The following PDZRN4 variants were observed in gnomAD, a reference collection of about 807,000 sequenced individuals.
PDZRN4 encodes PDZ domain containing ring finger 4.
Under a neutral mutation model 99.0 loss-of-function variants are expected in PDZRN4, and 70 were observed. The ratio of observed to expected loss-of-function variants is 0.71; its 90% CI spans 0.58 to 0.86. PDZRN4 has a LOEUF of 0.86. Among genes scored for constraint, PDZRN4 ranks in the 40% least tolerant of loss-of-function variants. The pLI is 0.00. For missense variants in PDZRN4, 1,474 were observed against 1,331.2 expected (o/e 1.11, Z -1.67); for synonymous variants, 551 against 501.6 (o/e 1.10, Z -1.32).
intron 3 of PDZRN4, among the ~76,000 whole-genome samples, chr12:41,423,831 A>G (rs1333404877): frequency 2.0e-5 from 3 of 152,180 alleles, no homozygotes; most frequent in African/African-American, 7.2e-5. Flanking sequence ...AAGATAGTTA[A>G]TATATGAGGA....
chr12:41,297,793 A>T (rs113332952), intron 3 of PDZRN4, among the ~76,000 whole-genome samples: 170 of 152,260 alleles, frequency 1.1e-3, no homozygotes, highest in African/African-American at 3.9e-3. Flanking sequence ...TCAGTCATTT[A>T]GTTGGGGTAA....
intron 3 of PDZRN4, among the ~76,000 whole-genome samples, chr12:41,486,148 G>A (rs1175684258): frequency 2.0e-5 from 3 of 152,114 alleles, no homozygotes; most frequent in Admixed American, 1.3e-4. Context: ...TTGTGTACAG[G>A]CTGGATGACC....
intron 3 of PDZRN4, among the ~76,000 whole-genome samples, chr12:41,255,573 T>A (rs538189586): frequency 5.9e-5 from 9 of 152,212 alleles, no homozygotes; most frequent in Non-Finnish European, 1.3e-4. Context: ...AACCTGTTTT[T>A]ATTACATTTT....
chr12:41,492,700 A>T (rs903336335), intron 3 of PDZRN4, among the ~76,000 whole-genome samples: 1 of 152,172 alleles, frequency 6.6e-6, no homozygotes, highest in Non-Finnish European at 1.5e-5. Flanking sequence ...TAAGAAAAAA[A>T]TCAGACTTCA....
intron 3 of PDZRN4, among the ~76,000 whole-genome samples, chr12:41,282,701 A>C (rs1383979013): frequency 6.6e-6 from 1 of 152,196 alleles, no homozygotes; most frequent in East Asian, 1.9e-4. Context: ...TCAAACTAGA[A>C]CTCAGGATTA....
chr12:41,555,250 G>GAAAAAAAAA (rs545027272), intron 6 of PDZRN4, among the ~76,000 whole-genome samples: 1 of 119,186 alleles, frequency 8.4e-6, no homozygotes. Flanking sequence ...AAAAAAAAAA[G>GAAAAAAAAA]AAAAAAAAAA....
At chr12:41,540,517 A>G (rs1370867191) in intron 5 of PDZRN4, among the ~76,000 whole-genome samples, 1 of 152,210 alleles carries the variant, frequency 6.6e-6, no homozygotes, top group Non-Finnish European at 1.5e-5. Context: ...ATGTAACACA[A>G]ACAATCTGAT....
intron 6 of PDZRN4, among the ~76,000 whole-genome samples, chr12:41,555,172 A>C (rs1194077418): frequency 6.8e-6 from 1 of 146,532 alleles, no homozygotes; most frequent in African/African-American, 2.5e-5. Context: ...CGGAGCTTGC[A>C]GTGAGCGGAG....
intron 3 of PDZRN4, among the ~76,000 whole-genome samples, chr12:41,432,428 C>T (rs1253477841): frequency 6.6e-6 from 1 of 152,134 alleles, no homozygotes; most frequent in African/African-American, 2.4e-5. Flanking sequence ...AGCAATTAGT[C>T]ATTGCTAATG....
intron 3 of PDZRN4, among the ~76,000 whole-genome samples, chr12:41,224,465 CT>C (rs1321943254): frequency 6.6e-6 from 1 of 152,114 alleles, no homozygotes; most frequent in Non-Finnish European, 1.5e-5. Context: ...AAGAGTGGAA[CT>C]TTTCCTGTGC....
intron 3 of PDZRN4, among the ~76,000 whole-genome samples, chr12:41,316,659 G>A (rs1283339930): frequency 6.6e-6 from 1 of 151,920 alleles, no homozygotes; most frequent in Non-Finnish European, 1.5e-5. Flanking sequence ...TGTTTGTATG[G>A]CTTATAAGAT....
chr12:41,306,444 G>T (rs1951570004), intron 3 of PDZRN4, among the ~76,000 whole-genome samples: 1 of 152,156 alleles, frequency 6.6e-6, no homozygotes, highest in Non-Finnish European at 1.5e-5. Context: ...AGTCAAAGAA[G>T]TCTGACAGCC....
chr12:41,410,473 T>C (rs1209735754), intron 3 of PDZRN4, among the ~76,000 whole-genome samples: 1 of 152,226 alleles, frequency 6.6e-6, no homozygotes, highest in Admixed American at 6.5e-5. Flanking sequence ...ATAATTAACA[T>C]ATCTACTGTG....
intron 3 of PDZRN4, among the ~76,000 whole-genome samples, chr12:41,432,762 C>G (rs576708263): frequency 6.6e-6 from 1 of 152,198 alleles, no homozygotes; most frequent in Admixed American, 6.5e-5. Flanking sequence ...GAAGAAGGAG[C>G]CTTTAAACTG....
At chr12:41,378,405 T>A (rs1176899384) in intron 3 of PDZRN4, among the ~76,000 whole-genome samples, 1 of 152,140 alleles carries the variant, frequency 6.6e-6, no homozygotes, top group Non-Finnish European at 1.5e-5. Context: ...TTTGCATCTG[T>A]TCATCAGAGA....
At chr12:41,257,669 G>A (rs1469403038) in intron 3 of PDZRN4, among the ~76,000 whole-genome samples, 2 of 152,292 alleles carry the variant, frequency 1.3e-5, no homozygotes, top group East Asian at 3.9e-4. Flanking sequence ...GGGAAGTGTG[G>A]TATCATGAAA....
chr12:41,395,685 A>G (rs1295984917), intron 3 of PDZRN4, among the ~76,000 whole-genome samples: 1 of 152,192 alleles, frequency 6.6e-6, no homozygotes, highest in African/African-American at 2.4e-5. Context: ...ACTCAAAACT[A>G]TCTTCAAAGT....
rs191619970 is a variant in PDZRN4 at position 41,510,529 on chromosome 12, A to C, written c.1203+616A>C. On this transcript the variant is annotated intron_variant, in intron 5 of 9. Coordinates refer to ENST00000402685, the MANE Select transcript of PDZRN4 (RefSeq NM_001164595.2). ...TTAAAAGCTCTCACAAAAGTTAAAG[A>C]ATGTATCCTAATATTTCCTCTGCTT... 7.8e-3 allele frequency among the ~76,000 whole-genome samples: 1,195 copies of C among 152,246 alleles called. 6 individuals are homozygous for C. The highest frequency in any genetic ancestry group is 0.013 in the Non-Finnish European group (887 of 67,990).
chr12:41,295,666 C>T (rs1381806517), intron 3 of PDZRN4, among the ~76,000 whole-genome samples: 1 of 151,964 alleles, frequency 6.6e-6, no homozygotes, highest in Non-Finnish European at 1.5e-5. Context: ...ACAAAATAAG[C>T]TCATATGAAT....
Sources: gnomAD v4.1 joint callset for allele counts (sites outside exome capture counted in the v4.1 genomes callset) on GRCh38, gnomAD v4.1.1 for gene constraint, MANE v1.5 for transcripts, NCBI Gene and HGNC (gene_info 2026-07-23, HGNC 2026-07-21) for gene names.